The following LRBA variants were observed in gnomAD, a reference collection of about 807,000 sequenced individuals.
The protein encoded by LRBA is lipopolysaccharide-responsive and beige-like anchor protein.
LRBA carries 176 observed loss-of-function variants against 330.0 expected under a neutral mutation model. The observed-to-expected ratio is 0.53, with a 90% CI of 0.47 to 0.60. The LOEUF (loss-of-function observed/expected upper bound fraction) is 0.60. Among genes scored for constraint, LRBA ranks in the 20% least tolerant of loss-of-function variants. The probability of loss-of-function intolerance (pLI) is 0.00; values close to 1 mark genes in which losing one functional copy is unlikely to be tolerated. For missense variants in LRBA, 3,259 were observed against 3,444.8 expected (o/e 0.95, Z 1.35); for synonymous variants, 1,230 against 1,193.0 (o/e 1.03, Z -0.64).
intron 38 of LRBA, among the ~76,000 whole-genome samples, chr4:150,598,137 C>T (rs185184190): frequency 7.4e-4 from 112 of 152,130 alleles, no homozygotes; most frequent in Non-Finnish European, 1.5e-3. Flanking sequence ...ATCACAAGCT[C>T]CTGCATGTTA....
At chr4:150,605,567 T>C (rs1313201737) in intron 37 of LRBA, among the ~76,000 whole-genome samples, 4 of 152,176 alleles carry the variant, frequency 2.6e-5, no homozygotes, top group Non-Finnish European at 4.4e-5. Flanking sequence ...AGATTAAAAA[T>C]TCATAGTAGA....
At chr4:150,773,788 T>TA (rs1736900385) in intron 34 of LRBA, among the ~76,000 whole-genome samples, 1 of 152,136 alleles carries the variant, frequency 6.6e-6, no homozygotes, top group Non-Finnish European at 1.5e-5. Context: ...ACTTGGGAAA[T>TA]AATGACAAGA....
intron 41 of LRBA, among the ~76,000 whole-genome samples, chr4:150,490,249 C>A (rs967941160): frequency 1.3e-4 from 20 of 151,620 alleles, no homozygotes; most frequent in African/African-American, 4.8e-4. Flanking sequence ...AAATAAGAAA[C>A]CATCAACCCA....
At chr4:150,868,799 G>A (rs1364108593) in intron 20 of LRBA, among the ~76,000 whole-genome samples, 1 of 152,062 alleles carries the variant, frequency 6.6e-6, no homozygotes, top group Non-Finnish European at 1.5e-5. Context: ...TTAGCCAGGT[G>A]TGGTGGCGTG....
At chr4:150,430,258 T>C (rs1356627735) in intron 46 of LRBA, among the ~76,000 whole-genome samples, 5 of 152,176 alleles carry the variant, frequency 3.3e-5, no homozygotes, top group Non-Finnish European at 7.4e-5. Flanking sequence ...CTGCTTCCAC[T>C]CTGGGCCATA....
chr4:150,915,989 G>A (rs1181549186), intron 7 of LRBA, among the ~76,000 whole-genome samples: 1 of 151,764 alleles, frequency 6.6e-6, no homozygotes. Flanking sequence ...TGAAAATCAA[G>A]TACAAACACC....
chr4:150,837,073 A>C (rs1748222849), intron 28 of LRBA, among the ~76,000 whole-genome samples: 1 of 152,206 alleles, frequency 6.6e-6, no homozygotes, highest in South Asian at 2.1e-4. Context: ...ATTCAGGAGC[A>C]GGTTGCTCAG....
intron 2 of LRBA, among the ~76,000 whole-genome samples, chr4:150,957,010 G>A (rs745604044): frequency 3.4e-5 from 5 of 148,914 alleles, no homozygotes; most frequent in Non-Finnish European, 7.4e-5. Context: ...TGTAATGTGT[G>A]TGAGTGTGTG....
At chr4:150,364,438 CAGAGTT>C (rs1465194528) in intron 47 of LRBA, among the ~76,000 whole-genome samples, 1 of 152,176 alleles carries the variant, frequency 6.6e-6, no homozygotes, top group Non-Finnish European at 1.5e-5. Flanking sequence ...TAGTAAATGT[CAGAGTT>C]GTGACCTGAA....
At chr4:150,541,035 T>TA (rs983774098) in intron 40 of LRBA, among the ~76,000 whole-genome samples, 8 of 152,136 alleles carry the variant, frequency 5.3e-5, no homozygotes, top group Non-Finnish European at 1.0e-4. Context: ...AAAACCTAAC[T>TA]AAAAAATGTT....
intron 36 of LRBA, among the ~76,000 whole-genome samples, chr4:150,731,479 T>C (rs1260965670): frequency 6.6e-6 from 1 of 152,210 alleles, no homozygotes; most frequent in Non-Finnish European, 1.5e-5. Context: ...ATGAGATTCT[T>C]TCCCATTTGC....
At chr4:150,806,216 G>T in intron 33 of LRBA, 55 bp downstream of exon 33, 1 of 1,323,396 alleles carries the variant, frequency 7.6e-7, no homozygotes, top group Non-Finnish European at 1.0e-6. Context: ...ATCCATGTAA[G>T]TTTTTAATCC....
chr4:150,793,122 A>G (rs1740227886), intron 34 of LRBA, among the ~76,000 whole-genome samples: 1 of 151,890 alleles, frequency 6.6e-6, no homozygotes, highest in Non-Finnish European at 1.5e-5. Flanking sequence ...TGACAAACAT[A>G]AGGAGACCCT....
chr4:150,879,174 G>T (rs12501637), intron 17 of LRBA, among the ~76,000 whole-genome samples: 10,469 of 152,160 alleles, frequency 0.069, 481 homozygotes, highest in Non-Finnish European at 0.1. Context: ...AATTCACGAT[G>T]ATCAAGTAGG....
Position 150,338,665 on chromosome 4 carries a change from ATTTT to A in LRBA, c.7362+11323_7362+11326del, listed in dbSNP as rs950577357. 2.6e-5 allele frequency among the ~76,000 whole-genome samples: 4 copies of A among 151,800 alleles called. No homozygotes were observed. In the South Asian group the frequency reaches 8.3e-4, roughly 32 times the overall value. ...ACAGACAGCCACATGATTGGAAAGG[ATTTT>A]TTTTTAAAGGATTTGTAACCAAATA... On this transcript the variant is annotated intron_variant, in intron 48 of 56. Coordinates refer to ENST00000651943, the MANE Select transcript of LRBA (RefSeq NM_001364905.1).
intron 38 of LRBA, among the ~76,000 whole-genome samples, chr4:150,594,736 G>T (rs1048004855): frequency 6.6e-6 from 1 of 151,982 alleles, no homozygotes; most frequent in African/African-American, 2.4e-5. Flanking sequence ...AAAATGATTT[G>T]ATTCACTGAG....
At chr4:150,567,106 T>G (rs1264272669) in intron 40 of LRBA, among the ~76,000 whole-genome samples, 1 of 152,174 alleles carries the variant, frequency 6.6e-6, no homozygotes, top group East Asian at 1.9e-4. Context: ...CAAATTATTT[T>G]GGAAATTTCC....
At chr4:150,333,768 A>T (rs1438017685) in intron 48 of LRBA, among the ~76,000 whole-genome samples, 1 of 152,172 alleles carries the variant, frequency 6.6e-6, no homozygotes, top group African/African-American at 2.4e-5. Flanking sequence ...CTTCGATATC[A>T]GTTAAGTTTA....
In LRBA at chr4:150,771,068, G is replaced by A. The variant is rs117715030; in HGVS notation, c.5581-9221C>T. Among the ~76,000 whole-genome samples the A allele has an allele frequency of 1.3e-3, 199 of 152,194 alleles. 3 individuals are homozygous for A. The East Asian group carries it at 0.036, about 27-fold the overall frequency. Reference sequence around the variant, plus strand: ...TGGCTGGGAAGCAATCTTAACTTCCGGTTCAATGGAATCATTGTTGTGCCT... The same window carrying A: ...TGGCTGGGAAGCAATCTTAACTTCCAGTTCAATGGAATCATTGTTGTGCCT... On this transcript the variant is annotated intron_variant, in intron 34 of 56. Coordinates refer to ENST00000651943, the MANE Select transcript of LRBA (RefSeq NM_001364905.1).
Sources: allele counts gnomAD v4.1 joint callset (sites outside exome capture counted in the v4.1 genomes callset), GRCh38; gene constraint gnomAD v4.1.1; transcripts MANE v1.5; gene names NCBI Gene and HGNC (gene_info 2026-07-23, HGNC 2026-07-21).